The following RHPN2 variants were observed in gnomAD, a reference collection of about 807,000 sequenced individuals.
RHPN2 encodes rhophilin-2.
RHPN2 carries 40 observed loss-of-function variants against 79.0 expected under a neutral mutation model. That is an observed-to-expected ratio of 0.51 (90% CI 0.39 to 0.66). The LOEUF (loss-of-function observed/expected upper bound fraction) is 0.66, where lower values mean the gene tolerates loss of function less well. RHPN2 is among the 30% of genes least tolerant of loss of function. The probability of loss-of-function intolerance (pLI) is 0.00; values close to 1 mark genes in which losing one functional copy is unlikely to be tolerated. For synonymous variants in RHPN2, 285 were observed against 363.5 expected (o/e 0.78, Z 2.46); for missense variants, 686 against 883.5 (o/e 0.78, Z 2.83).
chr19:33,056,135 G>C (rs991849572), intron 1 of RHPN2, among the ~76,000 whole-genome samples: 34 of 109,378 alleles, frequency 3.1e-4, no homozygotes, highest in African/African-American at 2.0e-3. Context: ...TTTTTGAGAC[G>C]GAGTTTTTTG....
At chr19:32,986,154 C>A (rs1971611527) in intron 14 of RHPN2, among the ~76,000 whole-genome samples, 1 of 152,224 alleles carries the variant, frequency 6.6e-6, no homozygotes, top group East Asian at 1.9e-4. Context: ...CCAGGATACA[C>A]ATCTAGACTG....
At chr19:33,020,688 CA>C (rs1291517569) in intron 4 of RHPN2, among the ~76,000 whole-genome samples, 1 of 152,010 alleles carries the variant, frequency 6.6e-6, no homozygotes, top group Non-Finnish European at 1.5e-5. Flanking sequence ...TTAGTAGAGA[CA>C]GGGGTTTTAC....
chr19:32,996,074 G>C lies in RHPN2; in HGVS notation c.1372C>G (p.Gln458Glu), dbSNP rs757949541. The part of the protein sequence containing the change: ...ERSRLTYAQH[Q>E]EEDDLLNLID... The stretch of plus-strand genomic sequence containing the variant: ...AGGTTCAGCAGGTCATCCTCCTCCT[G>C]GTGCTGGGCGTACGTGAGCCGGGAG... The change falls in exon 11 of 15, where the codon CAG (glutamine) becomes GAG (glutamate). Residue 458 changes from glutamine to glutamate, a missense_variant. Coordinates refer to ENST00000254260, the MANE Select transcript of RHPN2 (RefSeq NM_033103.5). The C allele has an allele frequency of 6.2e-7, 1 of 1,614,004 alleles. No homozygotes were observed. Among genetic ancestry groups the C allele is most frequent in the Non-Finnish European group, 8.5e-7 (1 of 1,179,876 alleles).
intron 14 of RHPN2, among the ~76,000 whole-genome samples, chr19:32,983,055 TACACACACACACACACACACACACACAC>T (rs57230466): frequency 9.7e-6 from 1 of 103,372 alleles, no homozygotes; most frequent in Non-Finnish European, 1.9e-5. Flanking sequence ...CCCAGATCTC[TACACACACACACACACACACACACACAC>T]ACACACACAC....
intron 3 of RHPN2, 34 bp from the exon 4 acceptor site, chr19:33,021,680 C>A: frequency 6.4e-7 from 1 of 1,557,340 alleles, no homozygotes; most frequent in Non-Finnish European, 8.9e-7. Context: ...GTATGAACAC[C>A]CCCAACCGGA....
chr19:33,034,026 T>TTTTTTTTTTTAATTTTAG (rs577799800), intron 2 of RHPN2, among the ~76,000 whole-genome samples: 12,674 of 138,086 alleles, frequency 0.092, 696 homozygotes, highest in South Asian at 0.24. Flanking sequence ...TGGCAAAACA[T>TTTTTTTTTTTAATTTTAG]TTTTTTTTTT....
intron 4 of RHPN2, among the ~76,000 whole-genome samples, chr19:33,015,953 G>A (rs1971874132): frequency 1.3e-5 from 2 of 152,058 alleles, no homozygotes; most frequent in South Asian, 2.1e-4. Flanking sequence ...AGGAGGCTGA[G>A]GTAGGAGAAT....
chr19:33,023,562 C>T (rs1391340992), intron 3 of RHPN2, among the ~76,000 whole-genome samples: 1 of 151,496 alleles, frequency 6.6e-6, no homozygotes, highest in East Asian at 1.9e-4. Flanking sequence ...CCGAGGCAGG[C>T]GGATCACGAG....
intron 1 of RHPN2, among the ~76,000 whole-genome samples, chr19:33,060,744 G>C (rs1462876113): frequency 6.6e-6 from 1 of 152,138 alleles, no homozygotes. Flanking sequence ...ATTGCCCAGA[G>C]TGGGCTTGAA....
chr19:33,010,309 T>G (rs1971825329), intron 6 of RHPN2, among the ~76,000 whole-genome samples: 1 of 151,960 alleles, frequency 6.6e-6, no homozygotes, highest in Non-Finnish European at 1.5e-5. Flanking sequence ...TTCTAGGATG[T>G]GTTCTCCTTT....
intron 1 of RHPN2, among the ~76,000 whole-genome samples, chr19:33,055,528 A>G (rs1411594237): frequency 6.6e-6 from 1 of 151,974 alleles, no homozygotes; most frequent in African/African-American, 2.4e-5. Context: ...GTACCAATAG[A>G]GCTGGAGCTG....
At chr19:32,996,586 T>C (rs559147244) in intron 10 of RHPN2, 43 of 352,086 alleles carry the variant, frequency 1.2e-4, no homozygotes, top group African/African-American at 8.4e-4. Flanking sequence ...CATTTATCTC[T>C]TAGTGATAGT....
At chr19:33,032,016 CTTTTTTTTTT>C (rs34807523) in intron 2 of RHPN2, among the ~76,000 whole-genome samples, 8 of 91,388 alleles carry the variant, frequency 8.8e-5, no homozygotes, top group African/African-American at 1.9e-4. Context: ...CCGGGCCGGT[CTTTTTTTTTT>C]TTTTTTTTTT....
intron 14 of RHPN2, among the ~76,000 whole-genome samples, chr19:32,989,332 C>T (rs1311011634): frequency 1.3e-5 from 2 of 152,134 alleles, no homozygotes; most frequent in African/African-American, 4.8e-5. Flanking sequence ...TGGTCTTCAA[C>T]TCCTGACTTC....
At chr19:32,980,412 A>G (rs915166076) in intron 14 of RHPN2, among the ~76,000 whole-genome samples, 156 bp from the exon 15 acceptor site, 1 of 152,138 alleles carries the variant, frequency 6.6e-6, no homozygotes, top group African/African-American at 2.4e-5. Context: ...GTTCAAGACC[A>G]GCCTGGCCAA....
At chr19:33,054,501 C>T (rs1972216356) in intron 1 of RHPN2, among the ~76,000 whole-genome samples, 1 of 152,144 alleles carries the variant, frequency 6.6e-6, no homozygotes, top group Non-Finnish European at 1.5e-5. Flanking sequence ...TGCTGGTCCC[C>T]TTTTCTCTTG....
chr19:33,062,778 T>C (rs1972291941), intron 1 of RHPN2, among the ~76,000 whole-genome samples: 1 of 132,444 alleles, frequency 7.6e-6, no homozygotes, highest in African/African-American at 3.5e-5. Flanking sequence ...ATAATAATAA[T>C]AATAATAATA....
chr19:33,020,453 G>A (rs889610056), intron 4 of RHPN2, among the ~76,000 whole-genome samples: 10 of 130,508 alleles, frequency 7.7e-5, no homozygotes, highest in African/African-American at 6.9e-5. Flanking sequence ...TCAGCCTCTC[G>A]AGTAACTAGG....
At chr19:33,036,831 G>A (rs529336078) in intron 2 of RHPN2, among the ~76,000 whole-genome samples, 177 of 152,202 alleles carry the variant, frequency 1.2e-3, no homozygotes, top group African/African-American at 4.0e-3. Flanking sequence ...CTGCCTTCCC[G>A]TGGGGCAGGG....
Sources: allele counts gnomAD v4.1 joint callset (sites outside exome capture counted in the v4.1 genomes callset), GRCh38; gene constraint gnomAD v4.1.1; transcripts MANE v1.5; gene names NCBI Gene and HGNC (gene_info 2026-07-23, HGNC 2026-07-21).